The following EPB41L4A variants were observed in gnomAD, a reference collection of about 807,000 sequenced individuals.
EPB41L4A encodes erythrocyte membrane protein band 4.1 like 4A, also known as band 4.1-like protein 4A.
A neutral mutation model predicts 108.6 loss-of-function variants in EPB41L4A; 100 were observed. The observed-to-expected ratio is 0.92, with a 90% CI of 0.78 to 1.09. EPB41L4A has a LOEUF of 1.09. Among genes scored for constraint, EPB41L4A ranks in the 50% least tolerant of loss-of-function variants. EPB41L4A has a pLI of 0.00. For missense variants in EPB41L4A, 1,030 were observed against 842.7 expected (o/e 1.22, Z -2.75); for synonymous variants, 319 against 289.0 (o/e 1.10, Z -1.05).
chr5:112,172,934 C>T (rs1304222368), intron 18 of EPB41L4A, among the ~76,000 whole-genome samples: 4 of 152,172 alleles, frequency 2.6e-5, no homozygotes, highest in Non-Finnish European at 5.9e-5. Context: ...CTGTCCTGTG[C>T]ATTGTAGCAT....
At chr5:112,298,239 T>C (rs1436310098) in intron 2 of EPB41L4A, among the ~76,000 whole-genome samples, 1 of 152,152 alleles carries the variant, frequency 6.6e-6, no homozygotes, top group East Asian at 1.9e-4. Flanking sequence ...TTTCACATTA[T>C]TGATTCTACC....
At chr5:112,241,370 A>T (rs536405071) in intron 9 of EPB41L4A, among the ~76,000 whole-genome samples, 17 of 152,304 alleles carry the variant, frequency 1.1e-4, no homozygotes, top group African/African-American at 4.1e-4. Context: ...ATTCAACAAT[A>T]TGCATACATA....
intron 1 of EPB41L4A, among the ~76,000 whole-genome samples, chr5:112,346,257 G>A (rs953972005): frequency 3.2e-5 from 3 of 92,830 alleles, no homozygotes; most frequent in South Asian, 7.8e-4. Flanking sequence ...AAGGAGTCTC[G>A]CTCTGTCGTC....
rs565010236 is a variant in EPB41L4A, at chr5:112,300,744, A to G, written c.204+6642T>C. 6.6e-5 allele frequency among the ~76,000 whole-genome samples: 10 copies of G among 152,190 alleles called. No homozygotes were observed. In the South Asian group the frequency reaches 1.9e-3, roughly 28 times the overall value. Reference sequence around the variant, plus strand: ...ATTATTCCCCCAAATATGTTTTCCAAACTTTTAGATTCCTCTTCCTCCTCA... The same window carrying G: ...ATTATTCCCCCAAATATGTTTTCCAGACTTTTAGATTCCTCTTCCTCCTCA... On this transcript the variant is annotated intron_variant, in intron 2 of 22. Coordinates refer to ENST00000261486, the MANE Select transcript of EPB41L4A (RefSeq NM_022140.5).
intron 12 of EPB41L4A, among the ~76,000 whole-genome samples, chr5:112,149,319 A>T (rs553043258): frequency 6.6e-6 from 1 of 152,164 alleles, no homozygotes; most frequent in East Asian, 1.9e-4. Flanking sequence ...AAAATACAAA[A>T]ATATTAGCCA....
chr5:112,418,796 T>G, intron 1 of EPB41L4A, 145 bp downstream of exon 1: 1 of 587,702 alleles, frequency 1.7e-6, no homozygotes, highest in Non-Finnish European at 3.1e-6. Context: ...ACCCTCTCCC[T>G]GCGCGCAGGG....
chr5:112,277,387 G>C (rs1752688367), intron 3 of EPB41L4A, among the ~76,000 whole-genome samples: 1 of 152,166 alleles, frequency 6.6e-6, no homozygotes, highest in Non-Finnish European at 1.5e-5. Flanking sequence ...ATTAGGTTTT[G>C]GCTAATTTTC....
chr5:112,209,952 T>G lies in EPB41L4A; in HGVS notation c.1118A>C (p.Asn373Thr), dbSNP rs1169333154. ...TCCTTCATTTTCTCCATTTTCCATG[T>G]TTGCAGTTATCCTACTGATGCTGTT... ...ESNSISRITANMENGENEGTI... is the reference protein window; with the variant it reads ...ESNSISRITATMENGENEGTI... Residue 373 changes from asparagine to threonine, a missense_variant, in exon 13 of 23, where the codon AAC becomes ACC. By Grantham distance (65) the Asn-to-Thr change is moderately conservative (BLOSUM62 0). Coordinates refer to ENST00000261486, the MANE Select transcript of EPB41L4A (RefSeq NM_022140.5). 6.2e-7 allele frequency: 1 copy of G among 1,606,638 alleles called. No homozygotes were observed. The highest frequency in any genetic ancestry group is 1.1e-5 in the South Asian group (1 of 90,772).
intron 2 of EPB41L4A, among the ~76,000 whole-genome samples, chr5:112,286,596 T>C (rs1561540889): frequency 6.6e-6 from 1 of 152,186 alleles, no homozygotes; most frequent in Non-Finnish European, 1.5e-5. Context: ...CCAACCTGCT[T>C]GCATCTGAGC....
chr5:112,150,676 G>C (rs11959040), intron 12 of EPB41L4A, among the ~76,000 whole-genome samples: 1,650 of 152,262 alleles, frequency 0.011, 32 homozygotes, highest in African/African-American at 0.037. Flanking sequence ...CCAAGAAAAA[G>C]AGAAGAAAAG....
intron 1 of EPB41L4A, among the ~76,000 whole-genome samples, chr5:112,390,512 T>C (rs930396654): frequency 6.6e-6 from 1 of 152,116 alleles, no homozygotes; most frequent in African/African-American, 2.4e-5. Context: ...CTGCCACTGC[T>C]AAAGCTTGAG....
chr5:112,180,693 AAAC>A (rs1761101955), intron 18 of EPB41L4A, among the ~76,000 whole-genome samples: 2 of 151,992 alleles, frequency 1.3e-5, no homozygotes, highest in Admixed American at 1.3e-4. Flanking sequence ...GAAATGAAAA[AAAC>A]TGATACACTG....
intron 1 of EPB41L4A, among the ~76,000 whole-genome samples, chr5:112,317,536 C>T (rs1283974431): frequency 1.3e-5 from 2 of 152,174 alleles, no homozygotes; most frequent in African/African-American, 4.8e-5. Flanking sequence ...CCTAGAGACC[C>T]TTTCAATGGT....
chr5:112,381,781 T>C (rs983552734), intron 1 of EPB41L4A, among the ~76,000 whole-genome samples: 2 of 152,188 alleles, frequency 1.3e-5, no homozygotes, highest in African/African-American at 4.8e-5. Flanking sequence ...CTTTCTGAAC[T>C]CTCCCCTGTC....
In EPB41L4A at chr5:112,209,969, G is replaced by A. The variant is rs1377203870; in HGVS notation, c.1101C>T (p.Ile367=). ...TTTCCATGTTTGCAGTTATCCTACTGATGCTGTTTGATTCTAGCAGAGGAG... is the reference window on the plus strand; with the variant it reads ...TTTCCATGTTTGCAGTTATCCTACTAATGCTGTTTGATTCTAGCAGAGGAG... ...AQTQPAESNS[I]SRITANMENG... is the part of the protein sequence containing the mutation. The change falls in exon 13 of 23, where the codon ATC becomes ATT. Residue 367 remains isoleucine, a synonymous_variant. Coordinates refer to ENST00000261486, the MANE Select transcript of EPB41L4A (RefSeq NM_022140.5). The A allele has an allele frequency of 1.9e-6, 3 of 1,584,352 alleles. No individual in the cohort carries two copies. Among genetic ancestry groups the A allele is most frequent in the Non-Finnish European group, 2.6e-6 (3 of 1,155,022 alleles).
At chr5:112,347,287 C>T (rs553805505) in intron 1 of EPB41L4A, among the ~76,000 whole-genome samples, 2 of 152,308 alleles carry the variant, frequency 1.3e-5, no homozygotes, top group Non-Finnish European at 1.5e-5. Flanking sequence ...GCCTGTTTCA[C>T]TGTGTTGACA....
intron 9 of EPB41L4A, among the ~76,000 whole-genome samples, chr5:112,251,482 G>T (rs1271163795): frequency 6.6e-6 from 1 of 152,154 alleles, no homozygotes; most frequent in East Asian, 1.9e-4. Context: ...GATACAGAAT[G>T]ATTTCTAGGA....
chr5:112,302,867 T>C (rs1456340869), intron 2 of EPB41L4A, among the ~76,000 whole-genome samples: 1 of 152,218 alleles, frequency 6.6e-6, no homozygotes, highest in Non-Finnish European at 1.5e-5. Context: ...CTATAGATGC[T>C]TCCGGCTTCC....
At chr5:112,236,939 G>A (rs1203903421) in intron 11 of EPB41L4A, among the ~76,000 whole-genome samples, 1 of 152,184 alleles carries the variant, frequency 6.6e-6, no homozygotes, top group Non-Finnish European at 1.5e-5. Flanking sequence ...GTTCTTAGGA[G>A]AACTTGGTCT....
Sources: allele counts gnomAD v4.1 joint callset (sites outside exome capture counted in the v4.1 genomes callset), GRCh38; gene constraint gnomAD v4.1.1; transcripts MANE v1.5; gene names NCBI Gene and HGNC (gene_info 2026-07-23, HGNC 2026-07-21).